The following UTP6 variants were observed in gnomAD, a reference collection of about 807,000 sequenced individuals.
The protein encoded by UTP6 is U3 small nucleolar RNA-associated protein 6 homolog.
In UTP6, 60 loss-of-function variants were observed where a neutral mutation model predicts 96.5. That is an observed-to-expected ratio of 0.62 (90% CI 0.51 to 0.77). The LOEUF (loss-of-function observed/expected upper bound fraction) is 0.77, where lower values mean the gene tolerates loss of function less well. Ranked by LOEUF, UTP6 falls within the 30% of genes least tolerant of loss-of-function variation. The pLI, the probability that UTP6 is intolerant of heterozygous loss-of-function variation, is 0.00. For missense variants in UTP6, 637 were observed against 706.5 expected (o/e 0.90, Z 1.12); for synonymous variants, 215 against 240.1 (o/e 0.90, Z 0.96).
intron 16 of UTP6, among the ~76,000 whole-genome samples, chr17:31,872,464 T>TTGAG (rs1235976017): frequency 6.6e-6 from 1 of 151,780 alleles, no homozygotes; most frequent in Non-Finnish European, 1.5e-5. Flanking sequence ...GCCCAGGAGT[T>TTGAG]TGAGACCAGG....
At chr17:31,899,172 C>A (rs1167706958) in intron 2 of UTP6, among the ~76,000 whole-genome samples, 1 of 152,202 alleles carries the variant, frequency 6.6e-6, no homozygotes, top group Non-Finnish European at 1.5e-5. Flanking sequence ...TGGCACACAC[C>A]TGTAGTCCCA....
intron 4 of UTP6, among the ~76,000 whole-genome samples, chr17:31,894,010 C>A (rs540169444): frequency 1.3e-4 from 20 of 150,808 alleles, no homozygotes; most frequent in Admixed American, 1.3e-3. Flanking sequence ...CAAACACTCC[C>A]GTAATCCCAG....
At chr17:31,873,302 G>T in intron 16 of UTP6, 76 bp downstream of exon 16, 1 of 1,359,022 alleles carries the variant, frequency 7.4e-7, no homozygotes, top group Non-Finnish European at 1.0e-6. Flanking sequence ...TGCTATCTGT[G>T]ATTCAAATAA....
Position 31,901,356 on chromosome 17 carries a change from C to T in UTP6, c.92+180G>A, listed in dbSNP as rs138148038. 4.9e-3 allele frequency: 2,943 copies of T among 599,752 alleles called. 13 individuals are homozygous for T. The highest frequency in any genetic ancestry group is 6.3e-3 in the Non-Finnish European group (2,121 of 336,890). 37.2% of individuals were successfully genotyped at this position (599,752 alleles called of 1,614,324 possible). On this transcript the variant is annotated intron_variant, in intron 1 of 18. Coordinates refer to ENST00000261708, the MANE Select transcript of UTP6 (RefSeq NM_018428.3). ...AACGTCTGATGGGTAAGTAGACGGA[C>T]GGATTACCTTGCAACGAATGAAAAA...
At chr17:31,882,996 G>A (rs1346400002) in intron 10 of UTP6, among the ~76,000 whole-genome samples, 1 of 151,816 alleles carries the variant, frequency 6.6e-6, no homozygotes, top group Non-Finnish European at 1.5e-5. Context: ...CCATGTTGCC[G>A]AAGCTTACAA....
intron 11 of UTP6, 128 bp downstream of exon 11, chr17:31,880,445 C>A: frequency 8.8e-7 from 1 of 1,140,206 alleles, no homozygotes; most frequent in South Asian, 1.5e-5. Context: ...AAAAAAAGGC[C>A]AGGCTCATCG....
chr17:31,898,461 G>A (rs1364412463), intron 2 of UTP6, among the ~76,000 whole-genome samples: 1 of 151,838 alleles, frequency 6.6e-6, no homozygotes, highest in East Asian at 1.9e-4. Flanking sequence ...GGAAGCGGAG[G>A]TTGCAGTGAG....
At chr17:31,866,975 C>G (rs1391051837) in intron 17 of UTP6, among the ~76,000 whole-genome samples, 2 of 150,270 alleles carry the variant, frequency 1.3e-5, no homozygotes, top group African/African-American at 4.9e-5. Context: ...TTTAATGGCT[C>G]ATATGTGCAC....
At chr17:31,895,163 T>G in intron 2 of UTP6, 152 bp from the exon 3 acceptor site, 2 of 597,346 alleles carry the variant, frequency 3.3e-6, no homozygotes, top group Non-Finnish European at 5.6e-6. Context: ...TGTCTAGAAC[T>G]CACTTAAAAT....
intron 11 of UTP6, among the ~76,000 whole-genome samples, chr17:31,879,279 A>G (rs965567632): frequency 6.6e-6 from 1 of 151,692 alleles, no homozygotes; most frequent in African/African-American, 2.4e-5. Flanking sequence ...AATCCCAGCT[A>G]CTCGGGAGGC....
At position 31,887,243 on chromosome 17, in the gene UTP6, A is replaced by C. The variant is rs1183285584; in HGVS notation, c.614T>G (p.Met205Arg). 1 of 1,613,882 alleles carries C rather than the reference A, an allele frequency of 6.2e-7. No homozygotes were observed. The highest frequency in any genetic ancestry group is 8.5e-7 in the Non-Finnish European group (1 of 1,179,882). Reference sequence around the variant, plus strand: ...AAATAATTAGAACCTTACCACATCCATACTGGCTTTTTCAAATTCTTCCTT... The same window carrying C: ...AAATAATTAGAACCTTACCACATCCCTACTGGCTTTTTCAAATTCTTCCTT... ...KEKEEFEKAS[M>R]DVENPDYSEE... Residue 205 changes from methionine to arginine, a missense_variant, in exon 8 of 19, where the codon ATG (methionine) becomes AGG (arginine). Met to Arg is a moderately conservative substitution (Grantham distance 91). Coordinates refer to ENST00000261708, the MANE Select transcript of UTP6 (RefSeq NM_018428.3).
chr17:31,899,059 T>C (rs1904819891), intron 2 of UTP6, among the ~76,000 whole-genome samples: 1 of 151,926 alleles, frequency 6.6e-6, no homozygotes, highest in African/African-American at 2.4e-5. Flanking sequence ...AAAGTAAGGC[T>C]GGGCCCGGTG....
At chr17:31,891,929 A>C (rs1271897057) in intron 6 of UTP6, among the ~76,000 whole-genome samples, 1 of 152,202 alleles carries the variant, frequency 6.6e-6, no homozygotes, top group Non-Finnish European at 1.5e-5. Flanking sequence ...AGGCTAAGGC[A>C]GGAGAATTGC....
At chr17:31,867,848 CCGGGGGG>C (rs1909915318) in intron 17 of UTP6, among the ~76,000 whole-genome samples, 191 bp downstream of exon 17, 1 of 151,616 alleles carries the variant, frequency 6.6e-6, no homozygotes, top group Non-Finnish European at 1.5e-5. Context: ...CCCAGCTACT[CCGGGGGG>C]CTGAGGCAGG....
At chr17:31,864,474 T>C (rs1469837969) in intron 18 of UTP6, among the ~76,000 whole-genome samples, 15 of 152,214 alleles carry the variant, frequency 9.9e-5, no homozygotes, top group Admixed American at 9.8e-4. Flanking sequence ...AGAAGTATGT[T>C]GTACAAGTCC....
At chr17:31,884,134 G>C (rs2142309713) in intron 10 of UTP6, among the ~76,000 whole-genome samples, 1 of 151,830 alleles carries the variant, frequency 6.6e-6, no homozygotes, top group East Asian at 1.9e-4. Flanking sequence ...AAGTAGCTGG[G>C]ATTACAGGCA....
intron 10 of UTP6, among the ~76,000 whole-genome samples, chr17:31,884,121 C>G (rs1466718201): frequency 6.6e-6 from 1 of 151,414 alleles, no homozygotes; most frequent in Non-Finnish European, 1.5e-5. Flanking sequence ...GGCTCAGCCT[C>G]CCAAGTAGCT....
At chr17:31,895,703 T>C (rs984128562) in intron 2 of UTP6, among the ~76,000 whole-genome samples, 2 of 151,928 alleles carry the variant, frequency 1.3e-5, no homozygotes, top group Admixed American at 6.6e-5. Flanking sequence ...CCGGCTAATT[T>C]TTGTATTTTT....
chr17:31,885,434 C>T (rs1382434074), intron 9 of UTP6, among the ~76,000 whole-genome samples: 2 of 151,542 alleles, frequency 1.3e-5, no homozygotes, highest in East Asian at 3.9e-4. Flanking sequence ...CATGAGCCAC[C>T]ATACCCGGCC....
Sources: allele counts gnomAD v4.1 joint callset (sites outside exome capture counted in the v4.1 genomes callset), GRCh38; gene constraint gnomAD v4.1.1; transcripts MANE v1.5; gene names NCBI Gene and HGNC (gene_info 2026-07-23, HGNC 2026-07-21).